ADAMTSL3: variants seen among roughly 807,000 people sequenced by gnomAD.
The protein encoded by ADAMTSL3 is ADAMTS-like protein 3.
In ADAMTSL3, 128 loss-of-function variants were observed where a neutral mutation model predicts 201.7. The observed-to-expected ratio is 0.63, with a 90% CI of 0.55 to 0.73. The LOEUF (loss-of-function observed/expected upper bound fraction) is 0.73. ADAMTSL3 is among the 30% of genes least tolerant of loss of function. The pLI is 0.00. For missense variants in ADAMTSL3, 1,990 were observed against 2,119.6 expected (o/e 0.94, Z 1.20); for synonymous variants, 738 against 748.4 (o/e 0.99, Z 0.23).
intron 2 of ADAMTSL3, among the ~76,000 whole-genome samples, chr15:83,697,202 C>T (rs777166709): frequency 6.6e-6 from 1 of 152,174 alleles, no homozygotes; most frequent in Non-Finnish European, 1.5e-5. Flanking sequence ...TCCCCTGCTT[C>T]TCTCTCTTCC....
intron 7 of ADAMTSL3, among the ~76,000 whole-genome samples, chr15:83,850,452 G>A (rs2064588403): frequency 6.6e-6 from 1 of 150,682 alleles, no homozygotes; most frequent in Admixed American, 6.6e-5. Context: ...GTATATATAT[G>A]TGTATGTTTA....
chr15:83,975,660 A>G (rs928580742), intron 20 of ADAMTSL3, among the ~76,000 whole-genome samples: 2 of 152,194 alleles, frequency 1.3e-5, no homozygotes, highest in East Asian at 3.9e-4. Flanking sequence ...CAGACTTCTG[A>G]ATGACATGTC....
intron 10 of ADAMTSL3, among the ~76,000 whole-genome samples, chr15:83,888,662 G>C (rs1444850724): frequency 6.6e-6 from 1 of 152,198 alleles, no homozygotes; most frequent in Non-Finnish European, 1.5e-5. Context: ...AGACACTTGA[G>C]ATCAATTTGG....
intron 17 of ADAMTSL3, among the ~76,000 whole-genome samples, chr15:83,934,592 C>T (rs1039687944): frequency 2.0e-5 from 3 of 151,988 alleles, no homozygotes; most frequent in Admixed American, 1.3e-4. Context: ...ATGAGATTTG[C>T]GAGAGGGGAT....
intron 6 of ADAMTSL3, among the ~76,000 whole-genome samples, chr15:83,831,381 A>G (rs1391078813): frequency 5.9e-5 from 9 of 152,192 alleles, no homozygotes; most frequent in African/African-American, 2.2e-4. Flanking sequence ...TTCAAAAAGT[A>G]TGAATCAGAA....
intron 2 of ADAMTSL3, among the ~76,000 whole-genome samples, chr15:83,682,619 G>A (rs2061490603): frequency 6.6e-6 from 1 of 152,158 alleles, no homozygotes; most frequent in African/African-American, 2.4e-5. Flanking sequence ...GTGTCTCATG[G>A]GAGAACATTG....
At chr15:83,977,695 G>A (rs1185814629) in intron 20 of ADAMTSL3, among the ~76,000 whole-genome samples, 2 of 152,186 alleles carry the variant, frequency 1.3e-5, no homozygotes, top group Non-Finnish European at 2.9e-5. Flanking sequence ...ATACTGAAGA[G>A]AAGGCACTGA....
chr15:83,982,432 C>T lies in ADAMTSL3; in HGVS notation c.2804C>T (p.Pro935Leu). ...LPNTSVIIKC[P>L]VRRFQKSLIQ... ...AACACATCCGTGATTATTAAGTGCC[C>T]CGTGCGACGATTCCAGAAATCTCTG... The change falls in exon 21 of 30, where the codon CCC (proline) becomes CTC (leucine). Residue 935 changes from proline to leucine, a missense_variant. By Grantham distance (98) the Pro-to-Leu change is moderately conservative. Transcript: ENST00000286744. 6.2e-7 allele frequency: 1 copy of T among 1,614,084 alleles called. No homozygotes were observed. The highest frequency in any genetic ancestry group is 8.5e-7 in the Non-Finnish European group (1 of 1,180,018).
At chr15:83,657,604 A>G (rs2061106084) in intron 2 of ADAMTSL3, among the ~76,000 whole-genome samples, 1 of 152,282 alleles carries the variant, frequency 6.6e-6, no homozygotes, top group Non-Finnish European at 1.5e-5. Context: ...GAAAAAAGTG[A>G]AAAACCAAAC....
intron 7 of ADAMTSL3, among the ~76,000 whole-genome samples, chr15:83,847,538 C>T (rs1308861242): frequency 1.3e-5 from 2 of 151,282 alleles, no homozygotes; most frequent in Non-Finnish European, 2.9e-5. Context: ...TTTTGTTGCC[C>T]AGGCTGGAGT....
intron 2 of ADAMTSL3, among the ~76,000 whole-genome samples, chr15:83,699,501 T>C (rs1437616320): frequency 6.6e-6 from 1 of 152,236 alleles, no homozygotes; most frequent in Non-Finnish European, 1.5e-5. Context: ...CCTTTTCACC[T>C]GGGTTAGTAC....
chr15:83,707,935 T>C (rs1027087982), intron 3 of ADAMTSL3, among the ~76,000 whole-genome samples: 8 of 152,198 alleles, frequency 5.3e-5, no homozygotes, highest in Non-Finnish European at 1.2e-4. Flanking sequence ...CAGAGCAGTC[T>C]CTCCAAAGAT....
At chr15:83,811,219 G>T (rs930334481) in intron 5 of ADAMTSL3, among the ~76,000 whole-genome samples, 3 of 152,168 alleles carry the variant, frequency 2.0e-5, no homozygotes, top group Non-Finnish European at 4.4e-5. Context: ...TGGACATCTT[G>T]TGGGCCAAGG....
chr15:83,794,984 C>T (rs2063400222), intron 4 of ADAMTSL3, among the ~76,000 whole-genome samples: 1 of 152,020 alleles, frequency 6.6e-6, no homozygotes, highest in Non-Finnish European at 1.5e-5. Flanking sequence ...TCCCAAGTAG[C>T]TGGGATTACA....
At chr15:83,662,367 G>T (rs1307096946) in intron 2 of ADAMTSL3, among the ~76,000 whole-genome samples, 1 of 141,130 alleles carries the variant, frequency 7.1e-6, no homozygotes, top group Non-Finnish European at 1.5e-5. Flanking sequence ...GGTGGGAATT[G>T]AACAGTGAGA....
chr15:83,963,747 A>G (rs1273958386), intron 19 of ADAMTSL3, among the ~76,000 whole-genome samples: 2 of 152,188 alleles, frequency 1.3e-5, no homozygotes, highest in Non-Finnish European at 2.9e-5. Flanking sequence ...CAGACACTTC[A>G]TACAGGAGAG....
At chr15:83,847,769 A>G (rs758835654) in intron 7 of ADAMTSL3, among the ~76,000 whole-genome samples, 1 of 152,140 alleles carries the variant, frequency 6.6e-6, no homozygotes, top group Non-Finnish European at 1.5e-5. Context: ...TGCTGGGATT[A>G]CAGGTGTGAG....
chr15:83,980,658 T>A lies in ADAMTSL3; in HGVS notation c.2645-1615T>A, dbSNP rs527343393. 5.9e-5 allele frequency among the ~76,000 whole-genome samples: 9 copies of A among 152,320 alleles called. No homozygotes were observed. In the South Asian group the frequency reaches 1.5e-3, roughly 25 times the overall value. ...TTCAAGCAGAACCCTGGACCCATCC[T>A]GAGATCAATAGGCCTGACCTACCAA... is the stretch of plus-strand genomic sequence containing the variant. On this transcript the variant is annotated intron_variant, in intron 20 of 29. Transcript: ENST00000286744.
chr15:83,822,635 A>T (rs1412245931), intron 6 of ADAMTSL3, among the ~76,000 whole-genome samples: 3 of 126,880 alleles, frequency 2.4e-5, no homozygotes, highest in African/African-American at 9.2e-5. Context: ...CCTAGATGGG[A>T]TGGTGGCCGG....
Sources: gnomAD v4.1 joint callset for allele counts (sites outside exome capture counted in the v4.1 genomes callset) on GRCh38, gnomAD v4.1.1 for gene constraint, MANE v1.5 for transcripts, NCBI Gene and HGNC (gene_info 2026-07-23, HGNC 2026-07-21) for gene names.